Variants in ZIM2 observed in about 807,000 individuals in gnomAD.
The protein encoded by ZIM2 is zinc finger imprinted 2.
Under a neutral mutation model 38.6 loss-of-function variants are expected in ZIM2, and 14 were observed. The observed-to-expected ratio is 0.36, with a 90% CI of 0.24 to 0.57. The LOEUF (loss-of-function observed/expected upper bound fraction) is 0.57. Ranked by LOEUF, ZIM2 falls within the 20% of genes least tolerant of loss-of-function variation. The pLI is 0.81. For missense variants in ZIM2, 680 were observed against 695.1 expected (o/e 0.98, Z 0.24); for synonymous variants, 247 against 245.8 (o/e 1.00, Z -0.04).
chr19:56,828,753 CAG>C (rs1302225696), intron 2 of ZIM2, among the ~76,000 whole-genome samples: 1 of 152,190 alleles, frequency 6.6e-6, no homozygotes, highest in Non-Finnish European at 1.5e-5. Flanking sequence ...CACTAATACA[CAG>C]AGTTCCTAAA....
intron 9 of ZIM2, chr19:56,811,109 C>T: frequency 1.1e-5 from 11 of 984,372 alleles, no homozygotes; most frequent in Non-Finnish European, 1.3e-5. Flanking sequence ...ATTTTTTTTC[C>T]TCCACTTTTC....
chr19:56,816,162 C>T (rs748132783), intron 9 of ZIM2: 1 of 1,614,072 alleles, frequency 6.2e-7, no homozygotes, highest in South Asian at 1.1e-5. Flanking sequence ...TGGGAATCTT[C>T]TGGTTTTCAT....
chr19:56,808,783 G>A (rs895647817), intron 9 of ZIM2, among the ~76,000 whole-genome samples: 1 of 152,148 alleles, frequency 6.6e-6, no homozygotes, highest in Non-Finnish European at 1.5e-5. Flanking sequence ...AGGCAGTTCA[G>A]CCAGACTCCA....
At chr19:56,790,020 C>A in intron 9 of ZIM2, 69 bp from the exon 10 acceptor site, 1 of 1,316,150 alleles carries the variant, frequency 7.6e-7, no homozygotes, top group South Asian at 2.1e-5. Flanking sequence ...CAGTGGCCAG[C>A]CACCCTCATG....
rs2146362051 is a variant in ZIM2 at position 56,824,402 on chromosome 19, A to T, written c.-125T>A. 1 of 1,614,102 alleles carries T rather than the reference A, an allele frequency of 6.2e-7. No individual in the cohort carries two copies. ...CTGCTCAAGGACCAAGAGCTCGATG[A>T]TCTCCTCCTTGGTGCGGGTCTCCGG... On this transcript the variant is annotated 5_prime_UTR_variant, in exon 4 of 13. Transcript: ENST00000629319.
chr19:56,813,716 G>A lies in ZIM2; in HGVS notation c.490+4030C>T, dbSNP rs752608830. ...TTCTGGTGTCTGGCGAGGGACAGGC[G>A]GTCATTGAAGAGCTGCCCACAGACG... On this transcript the variant is annotated intron_variant, in intron 9 of 12. Transcript: ENST00000629319. The A allele has an allele frequency of 3.3e-5, 53 of 1,613,846 alleles. No homozygotes were observed. The highest frequency in any genetic ancestry group is 1.5e-4 in the South Asian group (14 of 91,078).
chr19:56,777,551 A>ACT (rs1343958529), intron 12 of ZIM2, among the ~76,000 whole-genome samples: 1 of 152,136 alleles, frequency 6.6e-6, no homozygotes, highest in East Asian at 1.9e-4. Flanking sequence ...CTAGAATAGC[A>ACT]CTGCCCAGTA....
intron 9 of ZIM2, chr19:56,810,929 G>A: frequency 1.0e-6 from 1 of 967,590 alleles, no homozygotes; most frequent in Non-Finnish European, 1.2e-6. Context: ...ATTATTATAG[G>A]GAACATTTGA....
At chr19:56,839,127 A>G (rs2062614745) in intron 1 of ZIM2, among the ~76,000 whole-genome samples, 1 of 151,990 alleles carries the variant, frequency 6.6e-6, no homozygotes, top group Admixed American at 6.5e-5. Flanking sequence ...CACTTTCATT[A>G]AAGATGGCGC....
At position 56,824,446 on chromosome 19, in the gene ZIM2, G is replaced by C. The variant is rs1465510887; in HGVS notation, c.-150-19C>G. 1 of 1,614,168 alleles carries C rather than the reference G, an allele frequency of 6.2e-7. No individual in the cohort carries two copies. Among genetic ancestry groups the C allele is most frequent in the East Asian group, 2.2e-5 (1 of 44,868 alleles). ...TCTCCGGCTGCAACCAATCGAGGCA[G>C]AGGTTTCGGAGTTTGATCAGGGTCT... is the stretch of plus-strand genomic sequence containing the variant. On this transcript the variant is annotated intron_variant, in intron 3 of 12. Coordinates refer to ENST00000629319, the MANE Select transcript of ZIM2 (RefSeq NM_001387356.1).
At chr19:56,812,816 G>GT (rs1386376225) in intron 9 of ZIM2, 6 of 662,594 alleles carry the variant, frequency 9.1e-6, no homozygotes, top group Non-Finnish European at 1.0e-5. Flanking sequence ...TATTGAGTTG[G>GT]TTAAAAAAAA....
intron 12 of ZIM2, among the ~76,000 whole-genome samples, chr19:56,776,572 TAAAC>T (rs554246795): frequency 1.1e-4 from 16 of 152,206 alleles, no homozygotes; most frequent in Non-Finnish European, 1.9e-4. Context: ...TGTTCAGAAT[TAAAC>T]AAAGATTCTC....
chr19:56,817,724 G>A, intron 9 of ZIM2, 22 bp downstream of exon 9: 1 of 1,603,594 alleles, frequency 6.2e-7, no homozygotes, highest in Non-Finnish European at 8.5e-7. Flanking sequence ...TGGCTCCTCT[G>A]TGGGATGTGC....
chr19:56,787,586 A>G (rs919818911), intron 10 of ZIM2, among the ~76,000 whole-genome samples: 4 of 152,158 alleles, frequency 2.6e-5, no homozygotes, highest in African/African-American at 9.7e-5. Flanking sequence ...TTTTGCTATC[A>G]GGATGATGCT....
chr19:56,824,315 C>G lies in ZIM2; in HGVS notation c.-38G>C. 3 of 1,614,084 alleles carry G rather than the reference C, an allele frequency of 1.9e-6. No individual in the cohort carries two copies. Among genetic ancestry groups the G allele is most frequent in the Non-Finnish European group, 2.5e-6 (3 of 1,180,030 alleles). On this transcript the variant is annotated 5_prime_UTR_variant, in exon 4 of 13. Transcript: ENST00000629319. ...CTCCAGCAGAGTGACGAGCTTCTCACAGTTCTCCGGCTTTTTTGCTCGCAC... is the reference window on the plus strand; with the variant it reads ...CTCCAGCAGAGTGACGAGCTTCTCAGAGTTCTCCGGCTTTTTTGCTCGCAC...
At chr19:56,803,915 C>T (rs982208487) in intron 9 of ZIM2, among the ~76,000 whole-genome samples, 3 of 152,174 alleles carry the variant, frequency 2.0e-5, no homozygotes, top group Admixed American at 6.5e-5. Context: ...AATAAACCCT[C>T]GTGGACAATT....
intron 9 of ZIM2, chr19:56,798,360 G>A (rs534917172): frequency 6.6e-6 from 1 of 152,250 alleles, no homozygotes; most frequent in African/African-American, 2.4e-5. Flanking sequence ...AAGCAATGGG[G>A]AAAGGAGTCC....
chr19:56,787,412 A>G (rs1352883209), intron 10 of ZIM2, among the ~76,000 whole-genome samples: 1 of 151,994 alleles, frequency 6.6e-6, no homozygotes, highest in African/African-American at 2.4e-5. Context: ...AGTAGCTGGG[A>G]TTACAGGCAT....
rs752807057 is a variant in ZIM2, at chr19:56,816,204, G to A, written c.490+1542C>T. On this transcript the variant is annotated intron_variant, in intron 9 of 12. Coordinates refer to ENST00000629319, the MANE Select transcript of ZIM2 (RefSeq NM_001387356.1). The stretch of plus-strand genomic sequence containing the variant: ...TAGAGCTAATGGTGAACGCCTTTTC[G>A]TCCTCATCACTTTCAAGAGGTCTTG... The A allele has an allele frequency of 1.6e-4, 253 of 1,613,948 alleles. 2 individuals carry two copies. In the South Asian group the frequency reaches 2.3e-3, roughly 15 times the overall value.
Sources: gnomAD v4.1 joint callset for allele counts (sites outside exome capture counted in the v4.1 genomes callset) on GRCh38, gnomAD v4.1.1 for gene constraint, MANE v1.5 for transcripts, NCBI Gene and HGNC (gene_info 2026-07-23, HGNC 2026-07-21) for gene names.